Variants in DLEU7 observed in about 807,000 individuals in gnomAD.
DLEU7 encodes leukemia-associated protein 7.
In DLEU7, 17 loss-of-function variants were observed where a neutral mutation model predicts 16.0. The ratio of observed to expected loss-of-function variants is 1.06; its 90% CI spans 0.73 to 1.59. The LOEUF (loss-of-function observed/expected upper bound fraction) is 1.59, where lower values mean the gene tolerates loss of function less well. DLEU7 is among the 40% of genes most tolerant of loss of function. The pLI, the probability that DLEU7 is intolerant of heterozygous loss-of-function variation, is 0.00. For synonymous variants in DLEU7, 113 were observed against 139.8 expected, an observed-to-expected ratio of 0.81 and a Z score of 1.35; for missense variants, 308 against 314.9, an observed-to-expected ratio of 0.98 and a Z score of 0.17.
intron 1 of DLEU7, among the ~76,000 whole-genome samples, chr13:50,732,632 T>A (rs549499809): frequency 2.7e-4 from 31 of 116,438 alleles, no homozygotes; most frequent in Non-Finnish European, 3.1e-4. Context: ...AAAAAGCTTA[T>A]GTGCTTATGT....
intron 1 of DLEU7, chr13:50,839,940 TA>T (rs937618333): frequency 5.3e-5 from 8 of 152,160 alleles, no homozygotes; most frequent in African/African-American, 1.7e-4. Context: ...CTAAATAACT[TA>T]CCCAAGGGCC....
chr13:50,837,963 T>G (rs955636697), intron 1 of DLEU7, among the ~76,000 whole-genome samples: 1 of 152,158 alleles, frequency 6.6e-6, no homozygotes, highest in African/African-American at 2.4e-5. Context: ...TTTGAGCATG[T>G]TTATGGACCA....
At chr13:50,773,012 A>G (rs1039697380) in intron 1 of DLEU7, among the ~76,000 whole-genome samples, 1 of 151,840 alleles carries the variant, frequency 6.6e-6, no homozygotes. Context: ...TCATTTCATT[A>G]ATTTGTTCTA....
intron 1 of DLEU7, among the ~76,000 whole-genome samples, chr13:50,735,049 A>G (rs1874024853): frequency 6.6e-6 from 1 of 152,154 alleles, no homozygotes; most frequent in Non-Finnish European, 1.5e-5. Context: ...AATAATGCCA[A>G]AGTAAAAAGG....
chr13:50,822,576 T>A (rs937251554), downstream of DLEU7: 4 of 964,872 alleles, frequency 4.1e-6, no homozygotes, highest in East Asian at 2.3e-4. Flanking sequence ...TTCCTTTTTT[T>A]AAAGAATTTC....
At chr13:50,812,681 G>T (rs1050373730) in intron 1 of DLEU7, among the ~76,000 whole-genome samples, 11 of 151,948 alleles carry the variant, frequency 7.2e-5, no homozygotes, top group Non-Finnish European at 8.8e-5. Flanking sequence ...AGGATTCAGG[G>T]TGTTACTTGT....
chr13:50,833,743 G>A (rs1399773305), intron 1 of DLEU7, among the ~76,000 whole-genome samples: 1 of 152,088 alleles, frequency 6.6e-6, no homozygotes, highest in Non-Finnish European at 1.5e-5. Context: ...ACAATCCTAA[G>A]CCAAAAGAAC....
chr13:50,814,427 A>G lies in DLEU7; in HGVS notation c.459+28761T>C, dbSNP rs532662111. Among the ~76,000 whole-genome samples, 163 of 152,210 alleles carry G rather than the reference A, an allele frequency of 1.1e-3. 1 individual carries two copies. The highest frequency in any genetic ancestry group is 3.7e-3 in the African/African-American group (152 of 41,558). On this transcript the variant is annotated intron_variant, in intron 1 of 1. Coordinates refer to the DLEU7 transcript ENST00000400393. Reference sequence around the variant, plus strand: ...GAGTCTAGTTCCTGTGACTAAGTTGAGTTTTAGTTTATTTATATAAATTAT... The same window carrying G: ...GAGTCTAGTTCCTGTGACTAAGTTGGGTTTTAGTTTATTTATATAAATTAT...
chr13:50,757,084 T>C (rs1047396603), intron 1 of DLEU7, among the ~76,000 whole-genome samples: 1 of 152,310 alleles, frequency 6.6e-6, no homozygotes, highest in African/African-American at 2.4e-5. Flanking sequence ...GTCTTCCAGG[T>C]CCTGCAGGAG....
At chr13:50,759,133 G>T (rs1023923107) in intron 1 of DLEU7, among the ~76,000 whole-genome samples, 38 of 152,184 alleles carry the variant, frequency 2.5e-4, no homozygotes, top group Non-Finnish European at 5.0e-4. Context: ...TTAGACAGGG[G>T]TTGATTTATT....
chr13:50,842,891 G>A (rs1332256833), intron 1 of DLEU7, among the ~76,000 whole-genome samples: 1 of 152,146 alleles, frequency 6.6e-6, no homozygotes, highest in African/African-American at 2.4e-5. Flanking sequence ...CCTTTCTAGC[G>A]CAGGAAGCTG....
chr13:50,813,031 A>T (rs1430064127), intron 1 of DLEU7: 1 of 152,148 alleles, frequency 6.6e-6, no homozygotes, highest in African/African-American at 2.4e-5. Context: ...TTATTCAGAT[A>T]CTAACCAGGC....
At chr13:50,836,093 G>A (rs764112633) in intron 1 of DLEU7, among the ~76,000 whole-genome samples, 2 of 152,142 alleles carry the variant, frequency 1.3e-5, no homozygotes, top group Non-Finnish European at 1.5e-5. Flanking sequence ...CTAAATCTAC[G>A]TAAATTGTAA....
At chr13:50,814,605 A>G (rs969962775) in intron 1 of DLEU7, among the ~76,000 whole-genome samples, 1 of 151,356 alleles carries the variant, frequency 6.6e-6, no homozygotes, top group Admixed American at 6.6e-5. Flanking sequence ...GCCAACCAAC[A>G]TGGCTGTGGG....
At chr13:50,755,085 T>C (rs1874712346) in intron 1 of DLEU7, among the ~76,000 whole-genome samples, 1 of 152,206 alleles carries the variant, frequency 6.6e-6, no homozygotes, top group Non-Finnish European at 1.5e-5. Flanking sequence ...TTTTCCTTTA[T>C]AGGTTAACTG....
intron 1 of DLEU7, among the ~76,000 whole-genome samples, chr13:50,747,855 T>C (rs1874445866): frequency 6.6e-6 from 1 of 152,350 alleles, no homozygotes; most frequent in Admixed American, 6.5e-5. Flanking sequence ...TATCCCCCAA[T>C]GTAGTTTTTG....
At chr13:50,743,538 C>T (rs1266162821) in intron 1 of DLEU7, among the ~76,000 whole-genome samples, 2 of 152,086 alleles carry the variant, frequency 1.3e-5, no homozygotes, top group Admixed American at 1.3e-4. Context: ...GTAAGGATAC[C>T]CTACCTTGCA....
At chr13:50,827,590 G>C (rs563106730) in intron 1 of DLEU7, among the ~76,000 whole-genome samples, 4 of 152,088 alleles carry the variant, frequency 2.6e-5, no homozygotes. Flanking sequence ...GGAGGCTGAG[G>C]TGGGAGGATC....
chr13:50,838,013 G>C (rs1287104464), intron 1 of DLEU7, among the ~76,000 whole-genome samples: 1 of 152,152 alleles, frequency 6.6e-6, no homozygotes, highest in African/African-American at 2.4e-5. Flanking sequence ...AATATAAGGA[G>C]AGAGAAAATT....
Sources: allele counts gnomAD v4.1 joint callset (sites outside exome capture counted in the v4.1 genomes callset), GRCh38; gene constraint gnomAD v4.1.1; transcripts MANE v1.5; gene names NCBI Gene and HGNC (gene_info 2026-07-23, HGNC 2026-07-21).